DUSP15: variants seen among roughly 807,000 people sequenced by gnomAD.
DUSP15 encodes the protein dual specificity protein phosphatase 15.
DUSP15 carries 23 observed loss-of-function variants against 26.3 expected under a neutral mutation model. The ratio of observed to expected loss-of-function variants is 0.87; its 90% CI spans 0.63 to 1.24. DUSP15 has a LOEUF of 1.24. DUSP15 is among the 50% of genes most tolerant of loss of function. DUSP15 has a pLI of 0.00. For synonymous variants in DUSP15, 143 were observed against 135.5 expected, an observed-to-expected ratio of 1.06 and a Z score of -0.39; for missense variants, 364 against 320.6, an observed-to-expected ratio of 1.14 and a Z score of -1.03.
intron 8 of DUSP15, chr20:31,849,048 C>T (rs2062417386): frequency 1.5e-6 from 1 of 654,396 alleles, no homozygotes. Context: ...ACCCTAGGCC[C>T]ACTTCCACGT....
intron 2 of DUSP15, among the ~76,000 whole-genome samples, chr20:31,868,894 C>T (rs554254636): frequency 9.2e-5 from 14 of 152,302 alleles, no homozygotes; most frequent in Admixed American, 5.9e-4. Context: ...CATGGGTGTC[C>T]CCTCCTCCTG....
At chr20:31,846,468 GA>G (rs1324289359), downstream of DUSP15, among the ~76,000 whole-genome samples, 960 of 150,006 alleles carry the variant, frequency 6.4e-3, 14 homozygotes, top group African/African-American at 0.022. Flanking sequence ...GAGAGAGAGA[GA>G]GAGAGAGGAG....
chr20:31,865,676 C>T (rs1386709980), intron 3 of DUSP15, among the ~76,000 whole-genome samples: 2 of 152,226 alleles, frequency 1.3e-5, no homozygotes, highest in Non-Finnish European at 2.9e-5. Context: ...CAGCCAGGTT[C>T]TCATTTGTCC....
exon 10 of DUSP15, chr20:31,848,495 G>A: frequency 6.2e-7 from 1 of 1,611,516 alleles, no homozygotes; most frequent in Non-Finnish European, 8.5e-7. Flanking sequence ...AGGGGTTGAG[G>A]ACCCATCTGG....
At chr20:31,848,512 G>C (rs1172530105) in exon 10 of DUSP15, 2 of 1,608,556 alleles carry the variant, frequency 1.2e-6, no homozygotes, top group Non-Finnish European at 1.7e-6. Context: ...CTGGGCGCTC[G>C]GTTGAGGCAC....
At chr20:31,853,546 G>A (rs1486558302) in intron 6 of DUSP15, among the ~76,000 whole-genome samples, 2 of 151,920 alleles carry the variant, frequency 1.3e-5, no homozygotes, top group Non-Finnish European at 2.9e-5. Flanking sequence ...AATTAGCCAG[G>A]TGTGGTAGTA....
exon 10 of DUSP15, chr20:31,848,388 C>T (rs768245207): frequency 3.7e-6 from 6 of 1,608,580 alleles, no homozygotes; most frequent in Admixed American, 3.4e-5. Context: ...GGGAGCCCCC[C>T]TGTTGGGGGC....
At chr20:31,851,407 G>A (rs1003888623) in intron 6 of DUSP15, among the ~76,000 whole-genome samples, 3 of 152,052 alleles carry the variant, frequency 2.0e-5, no homozygotes, top group Admixed American at 6.6e-5. Context: ...TGAGGGAGCC[G>A]GAGGTGATGG....
At chr20:31,853,896 G>GC (rs547596437) in intron 6 of DUSP15, among the ~76,000 whole-genome samples, 83 of 152,258 alleles carry the variant, frequency 5.5e-4, no homozygotes, top group South Asian at 1.0e-3. Flanking sequence ...GAGTTACCGT[G>GC]CCCAGCCTGG....
At chr20:31,864,340 T>C in intron 4 of DUSP15, 1 of 1,063,274 alleles carries the variant, frequency 9.4e-7, no homozygotes, top group Non-Finnish European at 1.1e-6. Context: ...TCAGAGCACC[T>C]GGGCACAATG....
downstream of DUSP15, among the ~76,000 whole-genome samples, chr20:31,860,713 C>T (rs1422476445): frequency 6.6e-6 from 1 of 152,148 alleles, no homozygotes; most frequent in Non-Finnish European, 1.5e-5. Context: ...CCTCACCTTC[C>T]TAGCTACTAT....
intron 8 of DUSP15, among the ~76,000 whole-genome samples, chr20:31,849,107 T>C (rs2062418266): frequency 6.6e-6 from 1 of 152,014 alleles, no homozygotes; most frequent in Non-Finnish European, 1.5e-5. Context: ...CCAGGTCTTA[T>C]GTCTCTTCCT....
At chr20:31,850,546 G>T in intron 7 of DUSP15, 1 of 1,504,494 alleles carries the variant, frequency 6.6e-7, no homozygotes, top group Non-Finnish European at 9.1e-7. Flanking sequence ...AGGTGGGCTG[G>T]CCCCACCCCG....
exon 10 of DUSP15, chr20:31,848,558 A>C (rs1568652850): frequency 7.0e-6 from 11 of 1,571,624 alleles, no homozygotes; most frequent in Non-Finnish European, 8.6e-6. Context: ...CCGAAGCTGC[A>C]CCTGCACCTG....
chr20:31,865,027 C>T, intron 3 of DUSP15, 25 bp from the exon 4 acceptor site: 1 of 1,613,994 alleles, frequency 6.2e-7, no homozygotes. Context: ...TACACTCAGG[C>T]AGGGGACCTT....
downstream of DUSP15, among the ~76,000 whole-genome samples, chr20:31,856,539 T>C (rs972237240): frequency 2.0e-5 from 3 of 152,072 alleles, no homozygotes; most frequent in Non-Finnish European, 2.9e-5. Context: ...CGAAGAGACA[T>C]TCTGCAGGGA....
intron 4 of DUSP15, 47 bp downstream of exon 4, chr20:31,864,906 A>G (rs41310803): frequency 0.16 from 254,626 of 1,580,830 alleles, 22,752 homozygotes; most frequent in Non-Finnish European, 0.18. Context: ...CCCCCACCAC[A>G]GAAGGCAGCT....
At position 31,870,235 on chromosome 20, in the gene DUSP15, G is replaced by C. The variant is rs2062891954; in HGVS notation, c.21+82C>G. 11 of 1,226,116 alleles carry C rather than the reference G, an allele frequency of 9.0e-6. No homozygotes were observed. Among genetic ancestry groups the C allele is most frequent in the Non-Finnish European group, 1.1e-5 (11 of 984,050 alleles). The allele number at this position is 1,226,116 out of a possible 1,614,324, so 76.0% of individuals were successfully genotyped here. A position where few individuals can be genotyped will look rare whatever the true frequency, so the allele number is the denominator to read the frequency against. On this transcript the variant is annotated intron_variant, in intron 1 of 6. Coordinates refer to ENST00000339738, the MANE Select transcript of DUSP15 (RefSeq NM_080611.5). The surrounding 1 kb of genome is among the most constrained non-coding windows in gnomAD (Gnocchi z 6.6). ...AGACCGGCGAGAACAGAAGGTCAGA[G>C]GCGGGCGGACCGAGCTGGTCAGCGC...
At chr20:31,870,628 A>C, upstream of DUSP15, 1 of 1,333,160 alleles carries the variant, frequency 7.5e-7, no homozygotes, top group African/African-American at 1.5e-5. The surrounding 1 kb of genome is among the most constrained non-coding windows in gnomAD (Gnocchi z 6.6). Context: ...GGCCGGACAA[A>C]GCCCCAGTGT....
Sources: allele counts gnomAD v4.1 joint callset (sites outside exome capture counted in the v4.1 genomes callset), GRCh38; gene constraint gnomAD v4.1.1; non-coding constraint Gnocchi (gnomAD v3.1); transcripts MANE v1.5; gene names NCBI Gene and HGNC (gene_info 2026-07-23, HGNC 2026-07-21).